ITGB8: variants seen among roughly 807,000 people sequenced by gnomAD.
The protein encoded by ITGB8 is integrin beta-8.
ITGB8 carries 30 observed loss-of-function variants against 89.5 expected under a neutral mutation model. That is an observed-to-expected ratio of 0.34 (90% CI 0.25 to 0.45). The LOEUF is 0.45. Ranked by LOEUF, ITGB8 falls within the 20% of genes least tolerant of loss-of-function variation. The probability of loss-of-function intolerance (pLI) is 1.00; values close to 1 mark genes in which losing one functional copy is unlikely to be tolerated. For synonymous variants in ITGB8, 335 were observed against 320.4 expected (o/e 1.05, Z -0.49); for missense variants, 836 against 933.3 (o/e 0.90, Z 1.36).
chr7:20,394,813 C>A, intron 7 of ITGB8, 83 bp from the exon 8 acceptor site: 1 of 962,314 alleles, frequency 1.0e-6, no homozygotes, highest in Non-Finnish European at 1.7e-6. Context: ...CAACTGATAA[C>A]TACAAAAATA....
intron 3 of ITGB8, among the ~76,000 whole-genome samples, chr7:20,370,024 TA>T (rs1785862428): frequency 2.0e-5 from 3 of 151,324 alleles, no homozygotes; most frequent in Admixed American, 2.0e-4. Flanking sequence ...TCCAAAGATA[TA>T]AGAAGAAGAT....
intron 10 of ITGB8, among the ~76,000 whole-genome samples, chr7:20,403,822 A>C (rs1010525005): frequency 5.3e-5 from 8 of 152,164 alleles, no homozygotes; most frequent in Non-Finnish European, 8.8e-5. Flanking sequence ...GTTTGTGGCT[A>C]GATAAGCTTC....
chr7:20,354,216 G>T (rs1785212732), intron 1 of ITGB8, among the ~76,000 whole-genome samples: 1 of 151,988 alleles, frequency 6.6e-6, no homozygotes, highest in Non-Finnish European at 1.5e-5. Context: ...TCATATACTG[G>T]GTATATAAAG....
intron 1 of ITGB8, among the ~76,000 whole-genome samples, chr7:20,357,769 T>C (rs189800471): frequency 1.0e-3 from 155 of 152,324 alleles, no homozygotes; most frequent in African/African-American, 3.6e-3. Flanking sequence ...CCAGTAACTA[T>C]TTAGCAATAC....
intron 1 of ITGB8, among the ~76,000 whole-genome samples, chr7:20,336,835 G>C (rs1275679190): frequency 6.6e-6 from 1 of 152,188 alleles, no homozygotes. Context: ...TCTTCACAAA[G>C]TATCTGGAGT....
At chr7:20,367,333 G>C (rs1225893980) in intron 3 of ITGB8, 147 bp downstream of exon 3, 1 of 666,990 alleles carries the variant, frequency 1.5e-6, no homozygotes, top group African/African-American at 1.8e-5. Context: ...TAGAATTCTA[G>C]TCTTTATAGT....
At position 20,391,389 on chromosome 7, in the gene ITGB8, A is replaced by T. The variant is rs780700408; in HGVS notation, c.961-14A>T. 5 of 1,398,628 alleles carry T rather than the reference A, an allele frequency of 3.6e-6. No individual in the cohort carries two copies. Among genetic ancestry groups the T allele is most frequent in the African/African-American group, 2.9e-5 (2 of 69,126 alleles). The allele number at this position is 1,398,628 out of a possible 1,614,324, so 86.6% of individuals were successfully genotyped here. On this transcript the variant is annotated splice_polypyrimidine_tract_variant and intron_variant, in intron 6 of 13. Coordinates refer to ENST00000222573, the MANE Select transcript of ITGB8 (RefSeq NM_002214.3). ...GAAATTTCATTCCCTTATTTATTTT[A>T]TTATTCATTACAGGAACACCCCTCA... is the stretch of plus-strand genomic sequence containing the variant.
At chr7:20,361,994 A>C (rs1215919621) in intron 1 of ITGB8, among the ~76,000 whole-genome samples, 1 of 152,206 alleles carries the variant, frequency 6.6e-6, no homozygotes, top group African/African-American at 2.4e-5. Flanking sequence ...CATAGAGGAG[A>C]TAATAGAACA....
intron 9 of ITGB8, among the ~76,000 whole-genome samples, chr7:20,400,217 T>A (rs561928655): frequency 4.3e-4 from 66 of 152,336 alleles, no homozygotes; most frequent in Admixed American, 1.2e-3. Flanking sequence ...CATTGTTTTT[T>A]TTCTTTTCAT....
intron 6 of ITGB8, among the ~76,000 whole-genome samples, chr7:20,388,358 G>A (rs1405018751): frequency 1.3e-5 from 2 of 152,226 alleles, no homozygotes; most frequent in Non-Finnish European, 1.5e-5. Flanking sequence ...ACCAGAACAG[G>A]AGAGTTGGCT....
chr7:20,393,263 G>T (rs186548262), intron 7 of ITGB8, among the ~76,000 whole-genome samples: 1 of 152,020 alleles, frequency 6.6e-6, no homozygotes, highest in Admixed American at 6.6e-5. Context: ...TTAAAAATTT[G>T]CCATTAACTG....
At chr7:20,366,026 C>T (rs1290418061) in intron 2 of ITGB8, 1 of 152,030 alleles carries the variant, frequency 6.6e-6, no homozygotes, top group Non-Finnish European at 1.5e-5. Flanking sequence ...AGTTTGCTTG[C>T]ACTATTATGT....
chr7:20,399,427 G>A (rs552699376), intron 9 of ITGB8, among the ~76,000 whole-genome samples: 74 of 152,108 alleles, frequency 4.9e-4, no homozygotes, highest in Non-Finnish European at 9.0e-4. Flanking sequence ...GGGAATGATA[G>A]AACAGTTGAT....
chr7:20,408,368 AC>A (rs1251899578), intron 12 of ITGB8, among the ~76,000 whole-genome samples: 2 of 143,722 alleles, frequency 1.4e-5, no homozygotes, highest in Admixed American at 1.4e-4. Context: ...CTTTCAAAGT[AC>A]CTTATCACAA....
Position 20,401,816 on chromosome 7 carries a change from T to A in ITGB8, c.1377T>A (p.Ala459=). 1.2e-6 allele frequency: 2 copies of A among 1,613,390 alleles called. No homozygotes were observed. The highest frequency in any genetic ancestry group is 8.5e-7 in the Non-Finnish European group (1 of 1,179,856). ...AACCTATTGGTTTTAATGAAACCGC[T>A]AAAATTCATATACACAGAAACTGCA... is the stretch of plus-strand genomic sequence containing the variant. ...IIKPIGFNET[A]KIHIHRNCSC... Residue 459 remains alanine, a synonymous_variant, in exon 10 of 14, where the codon GCT becomes GCA. Coordinates refer to ENST00000222573, the MANE Select transcript of ITGB8 (RefSeq NM_002214.3).
chr7:20,357,571 G>A (rs1488763710), intron 1 of ITGB8, among the ~76,000 whole-genome samples: 4 of 152,146 alleles, frequency 2.6e-5, no homozygotes, highest in Non-Finnish European at 4.4e-5. Context: ...CATTACAACA[G>A]TTTCTTTATC....
At chr7:20,396,066 C>T (rs1787060856) in intron 8 of ITGB8, among the ~76,000 whole-genome samples, 1 of 152,202 alleles carries the variant, frequency 6.6e-6, no homozygotes. Context: ...TCTCGTTTCT[C>T]TTCTCGTTTT....
In ITGB8 at chr7:20,415,662, G is replaced by C. The variant is rs1316749049; in HGVS notation, c.*5665G>C. ...TTCTAACAGAGCTTATAACAGTTAG[G>C]ACAAGGCATTTAATTAATGCATCAT... On this transcript the variant is annotated 3_prime_UTR_variant, in exon 14 of 14. Coordinates refer to ENST00000222573, the MANE Select transcript of ITGB8 (RefSeq NM_002214.3). The C allele has an allele frequency of 1.3e-5, 2 of 152,514 alleles. No homozygotes were observed. Among genetic ancestry groups the C allele is most frequent in the African/African-American group, 4.8e-5 (2 of 41,440 alleles). 9.4% of individuals were successfully genotyped at this position (152,514 alleles called of 1,614,324 possible).
intron 1 of ITGB8, among the ~76,000 whole-genome samples, chr7:20,347,476 T>C (rs1784966821): frequency 6.6e-6 from 1 of 152,098 alleles, no homozygotes; most frequent in Non-Finnish European, 1.5e-5. Flanking sequence ...GGAATGGAAA[T>C]AGGGAGTGAG....
Sources: allele counts gnomAD v4.1 joint callset (sites outside exome capture counted in the v4.1 genomes callset), GRCh38; gene constraint gnomAD v4.1.1; transcripts MANE v1.5; gene names NCBI Gene and HGNC (gene_info 2026-07-23, HGNC 2026-07-21).